The following DDX20 variants were observed in gnomAD, a reference collection of about 807,000 sequenced individuals.
DDX20 encodes the protein probable ATP-dependent RNA helicase DDX20.
In DDX20, 61 loss-of-function variants were observed where a neutral mutation model predicts 76.4. The observed-to-expected ratio is 0.80, with a 90% confidence interval of 0.65 to 0.99. DDX20 has a LOEUF of 0.99. DDX20 is among the 50% of genes least tolerant of loss of function. DDX20 has a pLI of 0.00. For synonymous variants in DDX20, 357 were observed against 357.4 expected (o/e 1.00, Z 0.01); for missense variants, 976 against 996.8 (o/e 0.98, Z 0.28).
At chr1:111,756,806 A>G (rs1663566768) in intron 2 of DDX20, 66 bp downstream of exon 2, 2 of 1,282,788 alleles carry the variant, frequency 1.6e-6, no homozygotes, top group Non-Finnish European at 1.1e-6. Flanking sequence ...CAGATGAAAT[A>G]CCAGTAGCTC....
chr1:111,760,340 G>A, intron 3 of DDX20, 134 bp from the exon 4 acceptor site: 1 of 631,888 alleles, frequency 1.6e-6, no homozygotes, highest in Non-Finnish European at 2.7e-6. Context: ...GGTTTAGTGT[G>A]TACATGCATA....
intron 2 of DDX20, among the ~76,000 whole-genome samples, chr1:111,757,331 A>G (rs1287862764): frequency 6.6e-6 from 1 of 152,190 alleles, no homozygotes; most frequent in Non-Finnish European, 1.5e-5. Flanking sequence ...GATTACAGGC[A>G]TGAGCCACCA....
At position 111,761,295 on chromosome 1, in the gene DDX20, C is replaced by T; in HGVS notation, c.1021+11C>T. The stretch of plus-strand genomic sequence containing the variant: ...CTGAGTGCATTTCAGGTAAGTTCAT[C>T]TCTTACTTTAATCTTTATTTAGTAT... On this transcript the variant is annotated intron_variant, in intron 7 of 10. Coordinates refer to ENST00000369702, the MANE Select transcript of DDX20 (RefSeq NM_007204.5). 6.2e-7 allele frequency: 1 copy of T among 1,608,600 alleles called. No individual in the cohort carries two copies. The highest frequency in any genetic ancestry group is 8.5e-7 in the Non-Finnish European group (1 of 1,176,858).
At position 111,756,693 on chromosome 1, in the gene DDX20, TCCA is replaced by T; in HGVS notation, c.353_355del (p.Thr118del). 1 of 1,614,188 alleles carries T rather than the reference TCCA, an allele frequency of 6.2e-7. No homozygotes were observed. Among genetic ancestry groups the T allele is most frequent in the Non-Finnish European group, 8.5e-7 (1 of 1,180,008 alleles). On this transcript the variant is annotated inframe_deletion, in exon 2 of 11. Transcript: ENST00000369702. ...TGGCACCGGGAAAACCTGTGTGTTC[TCCA>T]CCATAGCTTTGGACTCTCTTGTTCT...
At chr1:111,764,790 A>G (rs942357087) in intron 10 of DDX20, among the ~76,000 whole-genome samples, 1 of 152,186 alleles carries the variant, frequency 6.6e-6, no homozygotes, top group African/African-American at 2.4e-5. Context: ...TTAGGTCTGT[A>G]TTGGACTGGG....
At chr1:111,757,316 A>G (rs1247110407) in intron 2 of DDX20, among the ~76,000 whole-genome samples, 2 of 152,152 alleles carry the variant, frequency 1.3e-5, no homozygotes, top group African/African-American at 4.8e-5. Flanking sequence ...CTCCCAAAGT[A>G]CTGGGATTAC....
Position 111,759,462 on chromosome 1 carries a change from T to G in DDX20, c.459T>G (p.Ile153Met). 6.2e-7 allele frequency: 1 copy of G among 1,613,874 alleles called. No individual in the cohort carries two copies. The highest frequency in any genetic ancestry group is 8.5e-7 in the Non-Finnish European group (1 of 1,179,854). Reference protein sequence around the residue: ...AVQIHSVITAIGIKMEGLECH... With the variant: ...AVQIHSVITAMGIKMEGLECH... ...AGATACATTCTGTTATTACAGCCAT[T>G]GGAATAAAAATGGAAGGCTTAGAGT... is the stretch of plus-strand genomic sequence containing the variant. The change falls in exon 3 of 11, where the codon ATT (isoleucine) becomes ATG (methionine). Residue 153 changes from isoleucine to methionine, a missense_variant. Ile to Met is a conservative substitution (Grantham distance 10, BLOSUM62 1). Around this residue, in one of 3 missense-constraint regions of DDX20, gnomAD observed 343 missense variants for 286.4 expected, o/e 1.20. Transcript: ENST00000369702.
Position 111,766,372 on chromosome 1 carries a change from G to A in DDX20, c.1948G>A (p.Gly650Arg). The A allele has an allele frequency of 1.2e-6, 2 of 1,614,118 alleles. No individual in the cohort carries two copies. The highest frequency in any genetic ancestry group is 1.6e-4 in the Middle Eastern group (1 of 6,062). ...VPVLASSSQS[G>R]DSESDSDSYS... ...TGTGTTGGCAAGTAGTAGCCAATCT[G>A]GAGACTCTGAGAGTGACAGTGATTC... is the stretch of plus-strand genomic sequence containing the variant. Residue 650 changes from glycine to arginine, a missense_variant, in exon 11 of 11, where the codon GGA becomes AGA. Gly to Arg is a moderately radical substitution (Grantham distance 125, BLOSUM62 -2). Around this residue, in one of 3 missense-constraint regions of DDX20, gnomAD observed 630 missense variants for 693.7 expected, o/e 0.91. Transcript: ENST00000369702.
chr1:111,756,157 G>C lies in DDX20; in HGVS notation c.233G>C (p.Arg78Pro). The change falls in exon 1 of 11, where the codon CGG becomes CCG. Residue 78 changes from arginine (R) to proline (P), a missense_variant. This residue lies in a region of DDX20 where 343 missense variants were observed against 286.4 expected (regional missense o/e 1.20). Coordinates refer to ENST00000369702, the MANE Select transcript of DDX20 (RefSeq NM_007204.5). ...LLSRPVLEGLRAAGFERPSPV... is the reference protein window; with the variant it reads ...LLSRPVLEGLPAAGFERPSPV... ...TCGCGGCCGGTGCTGGAGGGGCTGC[G>C]GGCGGCCGGCTTCGAGAGGCCCTCG... 1 of 1,556,568 alleles carries C rather than the reference G, an allele frequency of 6.4e-7. No individual in the cohort carries two copies. Among genetic ancestry groups the C allele is most frequent in the Non-Finnish European group, 8.6e-7 (1 of 1,159,248 alleles).
chr1:111,760,866 GTACT>G lies in DDX20; in HGVS notation c.823+21_823+24del, dbSNP rs1350163683. On this transcript the variant is annotated intron_variant, in intron 5 of 10. Coordinates refer to ENST00000369702, the MANE Select transcript of DDX20 (RefSeq NM_007204.5). ...TCTCATAGGTGTGTACAGCTTTTAG[GTACT>G]TATATTATTGGTTTATTTGTGATAT... is the stretch of plus-strand genomic sequence containing the variant. 1.9e-6 allele frequency: 3 copies of G among 1,598,030 alleles called. No individual in the cohort carries two copies. The highest frequency in any genetic ancestry group is 2.6e-6 in the Non-Finnish European group (3 of 1,173,680).
chr1:111,762,904 AG>A lies in DDX20; in HGVS notation c.1211del, dbSNP rs1294699065. On this transcript the variant is annotated splice_acceptor_variant, in intron 9 of 10. Coordinates refer to ENST00000369702, the MANE Select transcript of DDX20 (RefSeq NM_007204.5). LOFTEE classifies it high-confidence loss of function. Reference sequence around the variant, plus strand: ...ACTACCTAACATTCTCTCTGCTTTTAGGTACATTGGGGCTGACAGTGACCTA... The same window carrying A: ...ACTACCTAACATTCTCTCTGCTTTTAGTACATTGGGGCTGACAGTGACCTA... 1.2e-5 allele frequency: 19 copies of A among 1,612,696 alleles called. No individual in the cohort carries two copies. The highest frequency in any genetic ancestry group is 1.5e-5 in the Non-Finnish European group (18 of 1,178,774).
chr1:111,761,096 A>C lies in DDX20; in HGVS notation c.933A>C (p.Gln311His). ...QELFSRIPFN[Q>H]ALVFSNLHSR... Reference sequence around the variant, plus strand: ...TGTTCAGCAGAATTCCATTTAATCAAGCTTTAGTCTTTTCTAATTTGCACA... The same window carrying C: ...TGTTCAGCAGAATTCCATTTAATCACGCTTTAGTCTTTTCTAATTTGCACA... The change falls in exon 6 of 11, where the codon CAA becomes CAC. Residue 311 changes from glutamine to histidine, a missense_variant. Physicochemically the swap from Gln to His is conservative, Grantham distance 24. This residue lies in a region of DDX20 where 630 missense variants were observed against 693.7 expected (regional missense o/e 0.91). Transcript: ENST00000369702. 6.2e-7 allele frequency: 1 copy of C among 1,613,640 alleles called. No individual in the cohort carries two copies. Among genetic ancestry groups the C allele is most frequent in the Non-Finnish European group, 8.5e-7 (1 of 1,179,828 alleles).
At chr1:111,764,735 A>C (rs888392080) in intron 10 of DDX20, among the ~76,000 whole-genome samples, 2 of 152,166 alleles carry the variant, frequency 1.3e-5, no homozygotes, top group Admixed American at 1.3e-4. Context: ...TCTTTATGTA[A>C]TGTTAATAGG....
At chr1:111,761,354 A>G (rs1215035431) in intron 7 of DDX20, 70 bp downstream of exon 7, 3 of 1,295,500 alleles carry the variant, frequency 2.3e-6, no homozygotes, top group Non-Finnish European at 3.3e-6. Flanking sequence ...AGGAGGAAAA[A>G]ATACCACTTT....
At chr1:111,756,813 G>A in intron 2 of DDX20, 73 bp downstream of exon 2, 1 of 1,221,164 alleles carries the variant, frequency 8.2e-7, no homozygotes, top group South Asian at 1.3e-5. Context: ...AATACCAGTA[G>A]CTCCTCAGAG....
intron 2 of DDX20, among the ~76,000 whole-genome samples, chr1:111,759,070 G>A (rs1286331661): frequency 6.6e-6 from 1 of 152,084 alleles, no homozygotes; most frequent in African/African-American, 2.4e-5. Context: ...ACAAAAATAC[G>A]GTGTAACCAT....
Position 111,759,401 on chromosome 1 carries a change from T to G in DDX20, c.398T>G (p.Ile133Ser). 6.3e-7 allele frequency: 1 copy of G among 1,598,348 alleles called. No homozygotes were observed. Among genetic ancestry groups the G allele is most frequent in the Non-Finnish European group, 8.5e-7 (1 of 1,174,594 alleles). Reference protein sequence around the residue: ...SLVLENLSTQILILAPTREIA... With the variant: ...SLVLENLSTQSLILAPTREIA... The stretch of plus-strand genomic sequence containing the variant: ...GTGTAATTTATGGTTTTTTTTTAGA[T>G]TTTGATCTTGGCTCCTACAAGAGAA... The change falls in exon 3 of 11, where the codon ATT becomes AGT. Residue 133 changes from isoleucine (I) to serine (S), a missense_variant and splice_region_variant. Coordinates refer to ENST00000369702, the MANE Select transcript of DDX20 (RefSeq NM_007204.5).
chr1:111,765,675 C>G, intron 10 of DDX20, 62 bp from the exon 11 acceptor site: 1 of 1,357,822 alleles, frequency 7.4e-7, no homozygotes. Context: ...TGAAATCATT[C>G]AGAAAACAGT....
intron 2 of DDX20, among the ~76,000 whole-genome samples, chr1:111,758,892 A>G (rs1489611381): frequency 1.3e-5 from 2 of 152,230 alleles, no homozygotes; most frequent in African/African-American, 2.4e-5. Context: ...CCTAGCACAG[A>G]GTAGGTTCTT....
Sources: allele counts gnomAD v4.1 joint callset (sites outside exome capture counted in the v4.1 genomes callset), GRCh38; gene constraint gnomAD v4.1.1; regional missense constraint gnomAD v4.1.1; transcripts MANE v1.5; gene names NCBI Gene and HGNC (gene_info 2026-07-23, HGNC 2026-07-21).